LSM3: variants seen among roughly 807,000 people sequenced by gnomAD.
LSM3 encodes LSM3 homolog, U6 small nuclear RNA and mRNA degradation associated.
A neutral mutation model predicts 15.4 loss-of-function variants in LSM3; 14 were observed. The observed-to-expected ratio is 0.91, with a 90% CI of 0.60 to 1.42. The LOEUF (loss-of-function observed/expected upper bound fraction) is 1.42. Ranked by LOEUF, LSM3 falls within the 40% of genes most tolerant of loss-of-function variation. LSM3 has a pLI of 0.00. For missense variants in LSM3, 88 were observed against 127.9 expected, an observed-to-expected ratio of 0.69 and a Z score of 1.50; for synonymous variants, 46 against 45.1, an observed-to-expected ratio of 1.02 and a Z score of -0.08.
chr3:14,184,658 G>A (rs1047480842), intron 3 of LSM3, among the ~76,000 whole-genome samples: 6 of 151,018 alleles, frequency 4.0e-5, no homozygotes, highest in African/African-American at 1.5e-4. Context: ...TTGGGAGGCT[G>A]AGGCAGGAGA....
intron 3 of LSM3, 81 bp from the exon 4 acceptor site, chr3:14,197,955 C>A: frequency 1.7e-6 from 2 of 1,209,706 alleles, no homozygotes; most frequent in Non-Finnish European, 2.4e-6. Flanking sequence ...ATGATGAATC[C>A]ATTTTTTAAC....
intron 3 of LSM3, among the ~76,000 whole-genome samples, chr3:14,197,829 G>A (rs1697199524): frequency 6.6e-6 from 1 of 152,208 alleles, no homozygotes; most frequent in Non-Finnish European, 1.5e-5. Flanking sequence ...AGAAGAGTGA[G>A]TTTTAATGGG....
Position 14,200,637 on chromosome 3 carries a change from T to G in LSM3, c.*2521T>G, listed in dbSNP as rs981500077. The G allele has an allele frequency of 6.6e-6, 1 of 152,000 alleles. No homozygotes were observed. Among genetic ancestry groups the G allele is most frequent in the Non-Finnish European group, 1.5e-5 (1 of 67,986 alleles). 9.4% of individuals were successfully genotyped at this position (152,000 alleles called of 1,614,324 possible). A position where few individuals can be genotyped will look rare whatever the true frequency, so the allele number is the denominator to read the frequency against. ...TGCCATTGCCTCCCACAAAGAAAAA[T>G]GGACAAAATATGGGACCACATCTTT... On this transcript the variant is annotated 3_prime_UTR_variant, in exon 4 of 4. Coordinates refer to ENST00000306024, the MANE Select transcript of LSM3 (RefSeq NM_014463.3).
At chr3:14,181,226 A>T (rs1261581500) in intron 1 of LSM3, among the ~76,000 whole-genome samples, 1 of 152,212 alleles carries the variant, frequency 6.6e-6, no homozygotes, top group African/African-American at 2.4e-5. Context: ...AAAGTCCCTG[A>T]GACCCTATGC....
At chr3:14,184,967 G>A (rs911416546) in intron 3 of LSM3, among the ~76,000 whole-genome samples, 1 of 152,098 alleles carries the variant, frequency 6.6e-6, no homozygotes, top group Non-Finnish European at 1.5e-5. Flanking sequence ...TGAGGCAGGA[G>A]AACTGCTTGA....
At chr3:14,196,437 T>C (rs1326807996) in intron 3 of LSM3, among the ~76,000 whole-genome samples, 2 of 152,304 alleles carry the variant, frequency 1.3e-5, no homozygotes, top group East Asian at 3.9e-4. Context: ...TGGTCACTTG[T>C]ACAGAAACCT....
intron 3 of LSM3, among the ~76,000 whole-genome samples, chr3:14,187,654 G>T (rs760693615): frequency 9.9e-5 from 15 of 151,894 alleles, no homozygotes. Flanking sequence ...TTTACATTTC[G>T]CTCTCTCTCT....
Position 14,198,051 on chromosome 3 carries a change from ATTCCAATGCTCT to A in LSM3, c.247_258del (p.Pro83_Phe86del). 6.2e-7 allele frequency: 1 copy of A among 1,613,864 alleles called. No individual in the cohort carries two copies. The highest frequency in any genetic ancestry group is 8.5e-7 in the Non-Finnish European group (1 of 1,179,792). ...TCTCTTCTAGTCAACGAAACGGAAT[ATTCCAATGCTCT>A]TTGTCCGGGGAGATGGCGTTGTCCT... On this transcript the variant is annotated inframe_deletion, in exon 4 of 4. Transcript: ENST00000306024.
intron 1 of LSM3, among the ~76,000 whole-genome samples, chr3:14,180,842 TTTTTTTTTTTTTTTTA>T (rs1559390204): frequency 3.2e-5 from 4 of 125,300 alleles, no homozygotes; most frequent in African/African-American, 1.0e-4. Context: ...TTTTTTTTTT[TTTTTTTTTTTTTTTTA>T]AAAAAAAAAA....
chr3:14,196,932 A>T (rs573890732), intron 3 of LSM3, among the ~76,000 whole-genome samples: 1 of 152,332 alleles, frequency 6.6e-6, no homozygotes, highest in Admixed American at 6.5e-5. Flanking sequence ...CCCTAGGCAT[A>T]GTTTCTAGGA....
rs1477047303 is a variant in LSM3 at position 14,200,847 on chromosome 3, C to T, written c.*2731C>T. 6.6e-6 allele frequency: 1 copy of T among 152,146 alleles called. No homozygotes were observed. The highest frequency in any genetic ancestry group is 1.5e-5 in the Non-Finnish European group (1 of 68,032). 9.4% of individuals were successfully genotyped at this position (152,146 alleles called of 1,614,324 possible). On this transcript the variant is annotated 3_prime_UTR_variant, in exon 4 of 4. Coordinates refer to ENST00000306024, the MANE Select transcript of LSM3 (RefSeq NM_014463.3). ...TTCACACACCCTTTTATTTAATCAG[C>T]TAAAGTGGGTGCGGTGACACACACC...
intron 3 of LSM3, among the ~76,000 whole-genome samples, chr3:14,186,650 CAAGA>C (rs1372591054): frequency 6.6e-6 from 1 of 151,896 alleles, no homozygotes; most frequent in Non-Finnish European, 1.5e-5. Flanking sequence ...CTTATTTCTC[CAAGA>C]AAGAATAGCA....
intron 3 of LSM3, among the ~76,000 whole-genome samples, chr3:14,188,403 G>A (rs1697110097): frequency 6.6e-6 from 1 of 152,020 alleles, no homozygotes; most frequent in African/African-American, 2.4e-5. Flanking sequence ...ATTTTAAATT[G>A]CTTCCATTTT....
intron 2 of LSM3, among the ~76,000 whole-genome samples, chr3:14,183,092 T>A (rs1356356129): frequency 6.6e-6 from 1 of 152,246 alleles, no homozygotes; most frequent in African/African-American, 2.4e-5. Flanking sequence ...CAGTTCCCTG[T>A]GTAAACTTGA....
At chr3:14,181,233 A>G (rs1190561927) in intron 1 of LSM3, among the ~76,000 whole-genome samples, 4 of 152,206 alleles carry the variant, frequency 2.6e-5, no homozygotes, top group Non-Finnish European at 4.4e-5. Flanking sequence ...CTGAGACCCT[A>G]TGCCCTGAAA....
intron 3 of LSM3, among the ~76,000 whole-genome samples, chr3:14,192,842 C>G (rs1242970226): frequency 1.2e-4 from 18 of 152,044 alleles, no homozygotes. Flanking sequence ...GTTGTTTTGC[C>G]CATTAGTTAA....
At chr3:14,179,492 C>T (rs958510016) in intron 1 of LSM3, among the ~76,000 whole-genome samples, 17 of 152,158 alleles carry the variant, frequency 1.1e-4, no homozygotes, top group Non-Finnish European at 1.2e-4. Flanking sequence ...GAGATCATGC[C>T]ACAACTTAAA....
chr3:14,189,412 C>T (rs1052716756), intron 3 of LSM3, among the ~76,000 whole-genome samples: 2 of 152,210 alleles, frequency 1.3e-5, no homozygotes, highest in Non-Finnish European at 2.9e-5. Context: ...AATTTTCACT[C>T]CCACCAACAG....
chr3:14,194,664 C>T (rs1006293164), intron 3 of LSM3, among the ~76,000 whole-genome samples: 2 of 151,546 alleles, frequency 1.3e-5, no homozygotes, highest in African/African-American at 4.9e-5. Flanking sequence ...AGATCCAAGC[C>T]TTGTCACCTA....
Sources: allele counts gnomAD v4.1 joint callset (sites outside exome capture counted in the v4.1 genomes callset), GRCh38; gene constraint gnomAD v4.1.1; transcripts MANE v1.5; gene names NCBI Gene and HGNC (gene_info 2026-07-23, HGNC 2026-07-21).